Variants in TMC1 observed in about 807,000 individuals in gnomAD.
The protein encoded by TMC1 is transmembrane channel like 1.
In TMC1, 84 loss-of-function variants were observed where a neutral mutation model predicts 105.8. That is an observed-to-expected ratio of 0.79 (90% CI 0.67 to 0.95). The LOEUF (loss-of-function observed/expected upper bound fraction) is 0.95. Among genes scored for constraint, TMC1 ranks in the 40% least tolerant of loss-of-function variants. The pLI is 0.00. For synonymous variants in TMC1, 315 were observed against 311.5 expected (o/e 1.01, Z -0.12); for missense variants, 817 against 914.1 (o/e 0.89, Z 1.37).
chr9:72,618,841 A>G (rs924957230), intron 3 of TMC1, among the ~76,000 whole-genome samples: 9 of 152,190 alleles, frequency 5.9e-5, no homozygotes, highest in African/African-American at 2.2e-4. Flanking sequence ...GCCAGTAAAA[A>G]TGTTATCTTA....
intron 17 of TMC1, among the ~76,000 whole-genome samples, chr9:72,793,430 C>T (rs1290756079): frequency 2.6e-5 from 4 of 152,200 alleles, no homozygotes; most frequent in Non-Finnish European, 5.9e-5. Flanking sequence ...GCCATTCCAT[C>T]ATTCAGGCTT....
intron 8 of TMC1, among the ~76,000 whole-genome samples, chr9:72,734,131 A>G (rs1827259629): frequency 6.6e-6 from 1 of 152,158 alleles, no homozygotes; most frequent in South Asian, 2.1e-4. Context: ...ATGGCATGAG[A>G]TTTCATCATG....
In TMC1 at chr9:72,751,220, G is replaced by A. The variant is rs538578071; in HGVS notation, c.536-630G>A. On this transcript the variant is annotated intron_variant, in intron 10 of 23. Coordinates refer to ENST00000297784, the MANE Select transcript of TMC1 (RefSeq NM_138691.3). ...TGTAAGTTCTATTATAGCAGCACCC[G>A]TATCTATGACATTGTGCTTCACATC... Among the ~76,000 whole-genome samples, 14 of 152,152 alleles carry A rather than the reference G, an allele frequency of 9.2e-5. No homozygotes were observed. The East Asian group carries it at 1.2e-3, about 13-fold the overall frequency.
chr9:72,722,522 C>A (rs1189115600), intron 8 of TMC1, among the ~76,000 whole-genome samples: 1 of 152,148 alleles, frequency 6.6e-6, no homozygotes, highest in Admixed American at 6.5e-5. Context: ...TGTTAGGCAG[C>A]ATTGTGTTGC....
At chr9:72,797,810 A>G (rs532191853) in intron 17 of TMC1, among the ~76,000 whole-genome samples, 11 of 152,372 alleles carry the variant, frequency 7.2e-5, no homozygotes, top group African/African-American at 2.6e-4. Context: ...AGGCACAAGC[A>G]AAGATTTCAT....
At chr9:72,609,762 C>T (rs1036593800) in intron 2 of TMC1, among the ~76,000 whole-genome samples, 2 of 152,136 alleles carry the variant, frequency 1.3e-5, no homozygotes, top group African/African-American at 4.8e-5. Flanking sequence ...ATTTCCACAT[C>T]TGATTCAAGC....
chr9:72,698,877 G>A (rs1461428374), intron 7 of TMC1, among the ~76,000 whole-genome samples: 2 of 152,120 alleles, frequency 1.3e-5, no homozygotes, highest in Non-Finnish European at 2.9e-5. Context: ...GTATGGCAAG[G>A]ACGCTCAGCT....
chr9:72,594,878 T>TTA (rs1824694139), intron 2 of TMC1, among the ~76,000 whole-genome samples: 6 of 151,786 alleles, frequency 4.0e-5, no homozygotes, highest in Admixed American at 3.9e-4. Flanking sequence ...TCTTTTTTTT[T>TTA]TTTTTGAGAC....
At chr9:72,692,458 G>T (rs1826481598) in intron 6 of TMC1, among the ~76,000 whole-genome samples, 1 of 152,180 alleles carries the variant, frequency 6.6e-6, no homozygotes, top group African/African-American at 2.4e-5. Context: ...CACGAAGGGA[G>T]CTTATCTCCA....
chr9:72,740,154 C>G lies in TMC1; in HGVS notation c.398C>G (p.Ala133Gly). The G allele has an allele frequency of 1.2e-6, 2 of 1,613,546 alleles. No individual in the cohort carries two copies. The highest frequency in any genetic ancestry group is 2.2e-5 in the South Asian group (2 of 91,060). Residue 133 changes from alanine to glycine, a missense_variant, in exon 9 of 24, where the codon GCT (alanine) becomes GGT (glycine). Transcript: ENST00000297784. ...AKKFVSENEG[A>G]LGKGKGKRWF... ...AAATTTGTGAGTGAAAATGAAGGGG[C>G]TCTTGGGAAAGGAAAAGGAAAACGG... is the stretch of plus-strand genomic sequence containing the variant.
chr9:72,533,425 G>A (rs916384435), intron 1 of TMC1, among the ~76,000 whole-genome samples: 3 of 152,152 alleles, frequency 2.0e-5, no homozygotes, highest in Admixed American at 6.5e-5. Flanking sequence ...TTTAAGCAAA[G>A]ACTACTGCTT....
intron 23 of TMC1, among the ~76,000 whole-genome samples, chr9:72,833,328 A>C (rs560944069): frequency 1.3e-5 from 2 of 152,288 alleles, no homozygotes; most frequent in Non-Finnish European, 2.9e-5. Flanking sequence ...GATGCATTTA[A>C]TTTCCAAATC....
chr9:72,683,225 G>A (rs1826315735), intron 5 of TMC1, among the ~76,000 whole-genome samples: 1 of 152,104 alleles, frequency 6.6e-6, no homozygotes, highest in Non-Finnish European at 1.5e-5. Flanking sequence ...TTCTTCTTTA[G>A]TCTTCTTTAG....
At chr9:72,658,564 G>A (rs1171110670) in intron 5 of TMC1, among the ~76,000 whole-genome samples, 1 of 152,046 alleles carries the variant, frequency 6.6e-6, no homozygotes, top group Non-Finnish European at 1.5e-5. Context: ...TTTGCTAAAC[G>A]TGTATAACAT....
chr9:72,821,400 G>A (rs1191967467), intron 20 of TMC1, among the ~76,000 whole-genome samples: 1 of 151,990 alleles, frequency 6.6e-6, no homozygotes, highest in Non-Finnish European at 1.5e-5. Flanking sequence ...TACTTGAGAG[G>A]CTGAGGCAGG....
At chr9:72,614,717 G>C (rs59216112) in intron 2 of TMC1, among the ~76,000 whole-genome samples, 1,907 of 152,214 alleles carry the variant, frequency 0.013, 38 homozygotes, top group African/African-American at 0.044. Context: ...GTCTTGCTCT[G>C]TTGCCCAGGC....
chr9:72,547,201 G>T (rs959961959), intron 1 of TMC1, among the ~76,000 whole-genome samples: 58 of 151,496 alleles, frequency 3.8e-4, no homozygotes, highest in South Asian at 8.3e-4. Flanking sequence ...GCAGGAGAGT[G>T]GTTTAAACCT....
chr9:72,734,728 G>A (rs1298462302), intron 8 of TMC1, among the ~76,000 whole-genome samples: 1 of 152,116 alleles, frequency 6.6e-6, no homozygotes, highest in African/African-American at 2.4e-5. Context: ...ACTGGAAACA[G>A]CTAGAAAGTA....
chr9:72,735,157 C>T (rs2117997501), intron 8 of TMC1, among the ~76,000 whole-genome samples: 1 of 152,320 alleles, frequency 6.6e-6, no homozygotes, highest in Non-Finnish European at 1.5e-5. Context: ...GGGGTTACAG[C>T]TCAGAGAGCT....
Sources: gnomAD v4.1 joint callset for allele counts (sites outside exome capture counted in the v4.1 genomes callset) on GRCh38, gnomAD v4.1.1 for gene constraint, MANE v1.5 for transcripts, NCBI Gene and HGNC (gene_info 2026-07-23, HGNC 2026-07-21) for gene names.